WIPF1: variants seen among roughly 807,000 people sequenced by gnomAD.
WIPF1 encodes WAS/WASL-interacting protein family member 1.
Under a neutral mutation model 35.4 loss-of-function variants are expected in WIPF1, and 13 were observed. The observed-to-expected ratio is 0.37, with a 90% CI of 0.24 to 0.58. WIPF1 has a LOEUF of 0.58. WIPF1 is among the 20% of genes least tolerant of loss of function. The probability of loss-of-function intolerance (pLI) is 0.74; values close to 1 mark genes in which losing one functional copy is unlikely to be tolerated. For missense variants in WIPF1, 591 were observed against 667.0 expected (o/e 0.89, Z 1.25); for synonymous variants, 267 against 266.3 (o/e 1.00, Z -0.02).
chr2:174,667,455 G>T (rs976141362), intron 1 of WIPF1, among the ~76,000 whole-genome samples: 1 of 152,130 alleles, frequency 6.6e-6, no homozygotes, highest in Non-Finnish European at 1.5e-5. Flanking sequence ...GCTCAGAGGT[G>T]GGAACACAGT....
intron 1 of WIPF1, among the ~76,000 whole-genome samples, chr2:174,595,109 A>AAAAAAAATATATATAT (rs1553529785): frequency 5.2e-5 from 3 of 57,742 alleles, no homozygotes; most frequent in African/African-American, 1.8e-4. Flanking sequence ...AAAAAAAAAA[A>AAAAAAAATATATATAT]ATATATATAT....
chr2:174,610,471 C>CCA (rs780512731), intron 1 of WIPF1, among the ~76,000 whole-genome samples: 3 of 152,010 alleles, frequency 2.0e-5, no homozygotes, highest in Non-Finnish European at 4.4e-5. Context: ...GAATAACAAA[C>CCA]CACAAAAATT....
chr2:174,632,570 G>A (rs1254064743), intron 1 of WIPF1, among the ~76,000 whole-genome samples: 1 of 151,900 alleles, frequency 6.6e-6, no homozygotes, highest in Non-Finnish European at 1.5e-5. Flanking sequence ...TTAGCCACGT[G>A]TGGTGATGCA....
At chr2:174,566,944 A>T in intron 7 of WIPF1, 126 bp downstream of exon 7, 1 of 758,142 alleles carries the variant, frequency 1.3e-6, no homozygotes, top group Non-Finnish European at 2.1e-6. Context: ...AATTTACTAG[A>T]ATGTAGATGG....
At chr2:174,665,052 G>A (rs1346304471) in intron 1 of WIPF1, 1 of 152,230 alleles carries the variant, frequency 6.6e-6, no homozygotes, top group South Asian at 2.1e-4. Flanking sequence ...GCAAGTACAA[G>A]TATTCTCAGG....
At position 174,567,850 on chromosome 2, in the gene WIPF1, C is replaced by G. The variant is rs1445702316; in HGVS notation, c.1342+11G>C. On this transcript the variant is annotated intron_variant, in intron 6 of 7. Coordinates refer to ENST00000679041, the MANE Select transcript of WIPF1 (RefSeq NM_001375834.1). ...TGCCCTATAGCCCAGGGAGCTGGGA[C>G]CACACCTCACCTTCACATGGAGAGT... 8.3e-6 allele frequency: 13 copies of G among 1,559,914 alleles called. No individual in the cohort carries two copies. Among genetic ancestry groups the G allele is most frequent in the Non-Finnish European group, 1.1e-5 (13 of 1,151,728 alleles).
intron 1 of WIPF1, among the ~76,000 whole-genome samples, chr2:174,642,090 T>C (rs142187778): frequency 6.6e-6 from 1 of 152,270 alleles, no homozygotes; most frequent in East Asian, 1.9e-4. Context: ...TCTATATTCA[T>C]AAATGACCAC....
chr2:174,638,181 T>G (rs1244010237), intron 1 of WIPF1, among the ~76,000 whole-genome samples: 2 of 152,170 alleles, frequency 1.3e-5, no homozygotes, highest in Admixed American at 1.3e-4. Flanking sequence ...TAACTTTAAC[T>G]CAAGCTACAA....
chr2:174,596,157 C>A (rs2105870518), intron 1 of WIPF1, among the ~76,000 whole-genome samples: 1 of 152,262 alleles, frequency 6.6e-6, no homozygotes, highest in East Asian at 1.9e-4. Flanking sequence ...TTCAGTCCAC[C>A]CAGAGTATGT....
chr2:174,575,452 A>C, intron 3 of WIPF1, 72 bp from the exon 4 acceptor site: 6 of 1,481,206 alleles, frequency 4.1e-6, no homozygotes, highest in Non-Finnish European at 5.4e-6. Context: ...ACAACAGTAC[A>C]ACAGGGAGCT....
In WIPF1 at chr2:174,572,310, C is replaced by T; in HGVS notation, c.495G>A (p.Gln165=). The T allele has an allele frequency of 6.2e-7, 1 of 1,614,100 alleles. No individual in the cohort carries two copies. Among genetic ancestry groups the T allele is most frequent in the Non-Finnish European group, 8.5e-7 (1 of 1,180,016 alleles). ...GCCTTGGGGGCGGCATTCGGTTCCT[C>T]TGAGGCTCTGGGGGACCACTTCTGT... ...PGHRSGPPEP[Q]RNRMPPPRPD... is the part of the protein sequence containing the mutation. Residue 165 remains glutamine (Q), a synonymous_variant, in exon 5 of 8, where the codon CAG becomes CAA. Transcript: ENST00000679041.
At chr2:174,610,771 T>C (rs1686318075) in intron 1 of WIPF1, among the ~76,000 whole-genome samples, 1 of 152,098 alleles carries the variant, frequency 6.6e-6, no homozygotes, top group Non-Finnish European at 1.5e-5. Context: ...AACCTCCACC[T>C]TGGTCAACAG....
At chr2:174,563,398 C>G (rs991166774) in intron 7 of WIPF1, among the ~76,000 whole-genome samples, 2 of 151,992 alleles carry the variant, frequency 1.3e-5, no homozygotes, top group Admixed American at 1.3e-4. Context: ...ATAGCAAAAC[C>G]CTGTCTCCAC....
At chr2:174,616,308 G>A (rs929747874) in intron 1 of WIPF1, among the ~76,000 whole-genome samples, 8 of 152,106 alleles carry the variant, frequency 5.3e-5, no homozygotes, top group African/African-American at 1.9e-4. Flanking sequence ...AGGTCAAGAT[G>A]GAATAAAGAA....
intron 5 of WIPF1, 146 bp from the exon 6 acceptor site, chr2:174,568,219 TA>T: frequency 9.6e-7 from 1 of 1,042,620 alleles, no homozygotes; most frequent in Non-Finnish European, 1.3e-6. Flanking sequence ...GAGAAATGAG[TA>T]AACACACAGA....
At chr2:174,676,767 T>C (rs1202226265) in intron 1 of WIPF1, 1 of 152,228 alleles carries the variant, frequency 6.6e-6, no homozygotes, top group Non-Finnish European at 1.5e-5. Context: ...TAACTTCTAC[T>C]TTCCCCACAA....
In WIPF1 at chr2:174,654,483, T is replaced by TA. The variant is rs545003597; in HGVS notation, c.-39+28290dup. On this transcript the variant is annotated intron_variant, in intron 1 of 8. Transcript: ENST00000272746. ...AGCTTTCAGAAAAAAAGGCTTATTT[T>TA]ACTTTTCTAATTTTTGAACGCAAAT... Among the ~76,000 whole-genome samples the TA allele has an allele frequency of 6.5e-4, 99 of 152,322 alleles. 1 individual carries two copies. Among genetic ancestry groups the TA allele is most frequent in the South Asian group, 1.5e-3 (7 of 4,826 alleles).
chr2:174,608,501 T>C (rs1165291922), intron 1 of WIPF1, among the ~76,000 whole-genome samples: 2 of 152,170 alleles, frequency 1.3e-5, no homozygotes, highest in Non-Finnish European at 2.9e-5. Context: ...ATTCATGTTT[T>C]TTTCTTTTTT....
chr2:174,581,031 G>A (rs1451539212), intron 3 of WIPF1: 1 of 224,484 alleles, frequency 4.5e-6, no homozygotes, highest in Non-Finnish European at 8.8e-6. Context: ...GGTGCCAGGA[G>A]CAATGGGTTA....
Sources: gnomAD v4.1 joint callset for allele counts (sites outside exome capture counted in the v4.1 genomes callset) on GRCh38, gnomAD v4.1.1 for gene constraint, MANE v1.5 for transcripts, NCBI Gene and HGNC (gene_info 2026-07-23, HGNC 2026-07-21) for gene names.